ESRRG: variants seen among roughly 807,000 people sequenced by gnomAD.
The protein encoded by ESRRG is estrogen-related receptor gamma.
A neutral mutation model predicts 44.0 loss-of-function variants in ESRRG; 13 were observed. That is an observed-to-expected ratio of 0.30 (90% CI 0.19 to 0.47). The LOEUF is 0.47. Ranked by LOEUF, ESRRG falls within the 20% of genes least tolerant of loss-of-function variation. The pLI is 1.00. For missense variants in ESRRG, 395 were observed against 580.6 expected, an observed-to-expected ratio of 0.68 and a Z score of 3.29; for synonymous variants, 215 against 214.6, an observed-to-expected ratio of 1.00 and a Z score of -0.02.
intron 1 of ESRRG, among the ~76,000 whole-genome samples, chr1:217,114,948 C>T (rs1311832252): frequency 6.6e-6 from 1 of 152,136 alleles, no homozygotes; most frequent in Admixed American, 6.5e-5. Flanking sequence ...CAGCTGTGAA[C>T]CACCACGCCC....
In ESRRG at chr1:216,870,932, G is replaced by A. The variant is rs2576247; in HGVS notation, c.-14+68650C>T. On this transcript the variant is annotated intron_variant, in intron 2 of 7. Transcript: ENST00000359162. ...ATCAATTGTGTTGATTTCTAAAACC[G>A]TGCTCATTGTTTTTACTGATTTTAT... 1.0e-2 allele frequency among the ~76,000 whole-genome samples: 1,514 copies of A among 151,682 alleles called. 28 individuals are homozygous for A. Among genetic ancestry groups the A allele is most frequent in the African/African-American group, 0.035 (1,440 of 41,414 alleles).
intron 1 of ESRRG, among the ~76,000 whole-genome samples, chr1:216,683,638 C>T (rs2151603817): frequency 6.6e-6 from 1 of 152,280 alleles, no homozygotes; most frequent in Middle Eastern, 3.4e-3. Flanking sequence ...AAAAGGCTCT[C>T]TGCTGCAAGC....
At chr1:216,848,525 A>G (rs1327057327) in intron 2 of ESRRG, among the ~76,000 whole-genome samples, 3 of 151,972 alleles carry the variant, frequency 2.0e-5, no homozygotes, top group Non-Finnish European at 4.4e-5. Context: ...ATTTCCATAC[A>G]TCTAGTTTTA....
rs1224762621 is a variant in ESRRG, at chr1:216,719,641, G to A, written c.56+3603C>T. Among the ~76,000 whole-genome samples, 15 of 151,830 alleles carry A rather than the reference G, an allele frequency of 9.9e-5. No homozygotes were observed. In the East Asian group the frequency reaches 2.9e-3, roughly 29 times the overall value. ...AATGACCAATATATATTACAGGTCA[G>A]ATTAAATCAAAGAAATATATCAAAT... On this transcript the variant is annotated intron_variant, in intron 1 of 6. Transcript: ENST00000408911.
chr1:216,740,990 T>C (rs1011589885), intron 2 of ESRRG, among the ~76,000 whole-genome samples: 3 of 151,830 alleles, frequency 2.0e-5, no homozygotes, highest in Admixed American at 2.0e-4. Context: ...CTCAGATAAA[T>C]TTTTTAAAGT....
chr1:216,507,538 G>T (rs116720482), intron 6 of ESRRG, among the ~76,000 whole-genome samples: 1 of 152,070 alleles, frequency 6.6e-6, no homozygotes, highest in African/African-American at 2.4e-5. Context: ...AAACAACCAC[G>T]GAAGGCCATC....
chr1:217,065,453 T>C (rs1475155135), intron 1 of ESRRG, among the ~76,000 whole-genome samples: 1 of 152,244 alleles, frequency 6.6e-6, no homozygotes, highest in Non-Finnish European at 1.5e-5. Flanking sequence ...AGAGAAATTT[T>C]ACCCATTTCT....
At chr1:217,044,971 A>G (rs908963146) in intron 1 of ESRRG, among the ~76,000 whole-genome samples, 2 of 152,196 alleles carry the variant, frequency 1.3e-5, no homozygotes, top group Middle Eastern at 6.3e-3. Flanking sequence ...CTTTAATGTT[A>G]TCCTCAGCAT....
chr1:216,827,480 A>C (rs2095417190), intron 2 of ESRRG, among the ~76,000 whole-genome samples: 1 of 152,180 alleles, frequency 6.6e-6, no homozygotes, highest in Non-Finnish European at 1.5e-5. Flanking sequence ...GGAGTAATTC[A>C]GCCTCCCCAT....
intron 5 of ESRRG, among the ~76,000 whole-genome samples, chr1:216,535,742 A>G (rs569473673): frequency 4.6e-5 from 7 of 151,992 alleles, no homozygotes; most frequent in Middle Eastern, 3.4e-3. Flanking sequence ...TCATCCCTCT[A>G]TTCTGATAAA....
rs72464828 is a variant in ESRRG, at chr1:216,771,816, G to GTTT, written c.-13-94328_-13-94326dup. Among the ~76,000 whole-genome samples the GTTT allele has an allele frequency of 0.015, 1,884 of 128,070 alleles. 92 individuals are homozygous for GTTT. In the East Asian group the frequency reaches 0.17, roughly 12 times the overall value. The allele number at this position is 128,070 out of a possible 152,430, so 84.0% of individuals were successfully genotyped here. A position where few individuals can be genotyped will look rare whatever the true frequency, so the allele number is the denominator to read the frequency against. On this transcript the variant is annotated intron_variant, in intron 2 of 7. Coordinates refer to the ESRRG transcript ENST00000359162. Reference sequence around the variant, plus strand: ...GTATTTTTATTTTTAAGTTTGTGGTGTTTTTTTTTTTTTTTTTTGAAAGAC... The same window carrying GTTT: ...GTATTTTTATTTTTAAGTTTGTGGTGTTTTTTTTTTTTTTTTTTTTTGAAAGAC...
chr1:216,762,386 T>G (rs1301318765), intron 2 of ESRRG, among the ~76,000 whole-genome samples: 1 of 151,906 alleles, frequency 6.6e-6, no homozygotes, highest in African/African-American at 2.4e-5. Flanking sequence ...TAAAAAATGA[T>G]GAGTTCATGT....
intron 5 of ESRRG, 134 bp downstream of exon 5, chr1:216,564,085 A>T: frequency 2.0e-6 from 1 of 497,280 alleles, no homozygotes; most frequent in Admixed American, 3.7e-5. Context: ...AAAACTCTAA[A>T]TTATGATTAA....
At chr1:216,773,851 G>A (rs2093482079) in intron 2 of ESRRG, among the ~76,000 whole-genome samples, 1 of 151,962 alleles carries the variant, frequency 6.6e-6, no homozygotes, top group South Asian at 2.1e-4. Context: ...AGCCCCTGAT[G>A]GGTTCCTTGT....
intron 1 of ESRRG, among the ~76,000 whole-genome samples, chr1:217,118,818 C>T (rs1351909356): frequency 2.0e-5 from 3 of 151,614 alleles, no homozygotes; most frequent in South Asian, 2.1e-4. Flanking sequence ...ATAATGAGAC[C>T]CCATCTCTAG....
intron 1 of ESRRG, among the ~76,000 whole-genome samples, chr1:216,700,876 TTTGCTTTCCCCC>T: frequency 6.6e-6 from 1 of 152,216 alleles, no homozygotes; most frequent in East Asian, 1.9e-4. Flanking sequence ...CTGTCTTTAC[TTTGCTTTCCCCC>T]TTTGCTAATT....
At chr1:216,760,192 C>T (rs1242250686) in intron 2 of ESRRG, among the ~76,000 whole-genome samples, 1 of 151,742 alleles carries the variant, frequency 6.6e-6, no homozygotes, top group African/African-American at 2.4e-5. Context: ...ATAAATACTG[C>T]CTGCATGGAT....
At chr1:216,910,529 C>G (rs1244871347) in intron 2 of ESRRG, among the ~76,000 whole-genome samples, 1 of 152,126 alleles carries the variant, frequency 6.6e-6, no homozygotes, top group Non-Finnish European at 1.5e-5. Flanking sequence ...AAAGCCTTGA[C>G]CTTACAAAAG....
At chr1:216,872,041 G>A (rs997564149) in intron 2 of ESRRG, among the ~76,000 whole-genome samples, 2 of 152,014 alleles carry the variant, frequency 1.3e-5, no homozygotes, top group Non-Finnish European at 2.9e-5. Flanking sequence ...GATGTCTTTA[G>A]TTCACCTTCA....
Sources: allele counts gnomAD v4.1 joint callset (sites outside exome capture counted in the v4.1 genomes callset), GRCh38; gene constraint gnomAD v4.1.1; transcripts MANE v1.5; gene names NCBI Gene and HGNC (gene_info 2026-07-23, HGNC 2026-07-21).